The following PKN2 variants were observed in gnomAD, a reference collection of about 807,000 sequenced individuals.
PKN2 encodes serine/threonine-protein kinase N2.
In PKN2, 38 loss-of-function variants were observed where a neutral mutation model predicts 119.1. That is an observed-to-expected ratio of 0.32 (90% CI 0.25 to 0.42). PKN2 has a LOEUF of 0.42. PKN2 is among the 10% of genes least tolerant of loss of function. The pLI is 1.00. For synonymous variants in PKN2, 390 were observed against 384.9 expected (o/e 1.01, Z -0.15); for missense variants, 850 against 1,165.1 (o/e 0.73, Z 3.94).
chr1:88,789,075 A>C lies in PKN2; in HGVS notation c.1281+2862A>C, dbSNP rs190773477. 1.7e-3 allele frequency among the ~76,000 whole-genome samples: 255 copies of C among 152,290 alleles called. 1 individual carries two copies. The highest frequency in any genetic ancestry group is 2.8e-3 in the Non-Finnish European group (192 of 68,016). On this transcript the variant is annotated intron_variant, in intron 8 of 21. Coordinates refer to ENST00000370521, the MANE Select transcript of PKN2 (RefSeq NM_006256.4). ...GCTTAGAACAATTTTAGCAGATTTC[A>C]GTGTTGTTAAGAGCAGAACTATAGA...
intron 6 of PKN2, among the ~76,000 whole-genome samples, chr1:88,773,499 G>C (rs1174973424): frequency 3.9e-5 from 6 of 152,156 alleles, no homozygotes; most frequent in Admixed American, 2.0e-4. Flanking sequence ...GTTTTACCAT[G>C]ATGGCCACAC....
intron 1 of PKN2, among the ~76,000 whole-genome samples, chr1:88,723,152 C>T (rs1036477236): frequency 1.3e-5 from 2 of 151,906 alleles, no homozygotes; most frequent in Admixed American, 6.6e-5. Flanking sequence ...CTGGCTCTGT[C>T]GCCCAGGCTG....
chr1:88,823,391 A>G (rs1557637083), intron 17 of PKN2, among the ~76,000 whole-genome samples: 1 of 152,088 alleles, frequency 6.6e-6, no homozygotes, highest in Non-Finnish European at 1.5e-5. Context: ...TGGATGGTAT[A>G]TAAGCAAACT....
intron 16 of PKN2, among the ~76,000 whole-genome samples, chr1:88,818,432 G>C (rs1438578457): frequency 6.6e-6 from 1 of 152,106 alleles, no homozygotes; most frequent in Non-Finnish European, 1.5e-5. Context: ...TGGGTCATTT[G>C]AGGTCAGGAG....
rs762472428 is a variant in PKN2, at chr1:88,784,785, GGAA to G, written c.1134_1136del (p.Ser380del). The G allele has an allele frequency of 6.2e-7, 1 of 1,610,984 alleles. No individual in the cohort carries two copies. The highest frequency in any genetic ancestry group is 8.5e-7 in the Non-Finnish European group (1 of 1,178,490). The stretch of plus-strand genomic sequence containing the variant: ...GAGCAGAACGAGTAAAAGTAAAAGC[GGAA>G]GTAGTCGAAATCTTCTAAAAACCGA... On this transcript the variant is annotated inframe_deletion, in exon 7 of 22. Coordinates refer to ENST00000370521, the MANE Select transcript of PKN2 (RefSeq NM_006256.4).
At chr1:88,819,649 C>T (rs941917364) in intron 16 of PKN2, among the ~76,000 whole-genome samples, 5 of 152,180 alleles carry the variant, frequency 3.3e-5, no homozygotes, top group African/African-American at 1.2e-4. Context: ...TTTGACCCAG[C>T]CATCCCATTA....
intron 15 of PKN2, among the ~76,000 whole-genome samples, chr1:88,809,949 A>T (rs1671713146): frequency 6.6e-6 from 1 of 152,140 alleles, no homozygotes; most frequent in Non-Finnish European, 1.5e-5. Context: ...ATGAAAATTT[A>T]AAAATCTCAA....
At chr1:88,816,582 A>G (rs1408716592) in intron 16 of PKN2, among the ~76,000 whole-genome samples, 1 of 151,980 alleles carries the variant, frequency 6.6e-6, no homozygotes. Context: ...TTATTTTAAT[A>G]AACTTCAGTA....
chr1:88,696,809 A>G (rs1043591011), intron 1 of PKN2, among the ~76,000 whole-genome samples: 1 of 152,110 alleles, frequency 6.6e-6, no homozygotes, highest in African/African-American at 2.4e-5. Flanking sequence ...TCGATTATAG[A>G]ATAAAATATA....
intron 1 of PKN2, among the ~76,000 whole-genome samples, chr1:88,697,326 A>G (rs1005587089): frequency 6.6e-6 from 1 of 152,144 alleles, no homozygotes; most frequent in Non-Finnish European, 1.5e-5. Context: ...TTTAAAAAAC[A>G]TTATATGACC....
chr1:88,752,225 C>T (rs1669030912), intron 2 of PKN2, among the ~76,000 whole-genome samples: 1 of 152,064 alleles, frequency 6.6e-6, no homozygotes, highest in South Asian at 2.1e-4. Context: ...CTGTATCAAA[C>T]TTACTCTTTA....
intron 2 of PKN2, among the ~76,000 whole-genome samples, chr1:88,751,726 G>A (rs1315539384): frequency 6.6e-6 from 1 of 151,980 alleles, no homozygotes; most frequent in East Asian, 1.9e-4. Context: ...CATTTTCTTT[G>A]TTCACTATTT....
Position 88,824,366 on chromosome 1 carries a change from AT to A in PKN2, c.2403del (p.Phe801LeufsTer29). 5 of 1,595,464 alleles carry A rather than the reference AT, an allele frequency of 3.1e-6. No individual in the cohort carries two copies. Among genetic ancestry groups the A allele is most frequent in the Non-Finnish European group, 4.3e-6 (5 of 1,163,730 alleles). On this transcript the variant is annotated frameshift_variant, in exon 18 of 22. Transcript: ENST00000370521. LOFTEE classifies it high-confidence loss of function. ...ACAGAGGGCTTTGTGAAAATTGCTG[AT>A]TTTGGTCTTTGCAAAGAAGGTAATC... is the stretch of plus-strand genomic sequence containing the variant. ...LDTEGFVKIADFGLCKEGMGY... is the reference protein window; with the variant it reads ...LDTEGFVKIAXFGLCKEGMGY...
At chr1:88,750,423 C>T (rs745537538) in intron 2 of PKN2, among the ~76,000 whole-genome samples, 2 of 152,070 alleles carry the variant, frequency 1.3e-5, no homozygotes, top group Non-Finnish European at 2.9e-5. Context: ...ATACTAAAAG[C>T]ACCAGAAACA....
chr1:88,814,340 A>G (rs1383580759), intron 16 of PKN2, among the ~76,000 whole-genome samples: 1 of 152,164 alleles, frequency 6.6e-6, no homozygotes, highest in Non-Finnish European at 1.5e-5. Flanking sequence ...AATAGTAAAC[A>G]CTTGAAATTA....
At chr1:88,818,372 G>GT (rs200964355) in intron 16 of PKN2, among the ~76,000 whole-genome samples, 131 of 152,304 alleles carry the variant, frequency 8.6e-4, no homozygotes, top group African/African-American at 3.0e-3. Context: ...TTTAGGCTGG[G>GT]TGTGGTGGCT....
At chr1:88,817,957 T>C (rs1672075738) in intron 16 of PKN2, among the ~76,000 whole-genome samples, 1 of 152,134 alleles carries the variant, frequency 6.6e-6, no homozygotes, top group East Asian at 1.9e-4. Context: ...ATGACATGAT[T>C]ATATATTTAG....
chr1:88,711,297 AAG>A (rs1204677873), intron 1 of PKN2, among the ~76,000 whole-genome samples: 1 of 139,648 alleles, frequency 7.2e-6, no homozygotes, highest in African/African-American at 3.1e-5. Context: ...TTAAAATTAA[AAG>A]AGAGAAGTGG....
At position 88,824,310 on chromosome 1, in the gene PKN2, A is replaced by AGATTT. The variant is rs780243341; in HGVS notation, c.2346_2350dup (p.Lys784IlefsTer2). On this transcript the variant is annotated frameshift_variant and splice_region_variant, in exon 18 of 22. Transcript: ENST00000370521. LOFTEE classifies it high-confidence loss of function. ...TGCTGTATCTTTTTATCCTGAACAG[A>AGATTT]GATTTGAAATTGGATAACTTATTGC... The AGATTT allele has an allele frequency of 6.5e-7, 1 of 1,540,926 alleles. No individual in the cohort carries two copies. The highest frequency in any genetic ancestry group is 8.9e-7 in the Non-Finnish European group (1 of 1,117,820).
Sources: gnomAD v4.1 joint callset for allele counts (sites outside exome capture counted in the v4.1 genomes callset) on GRCh38, gnomAD v4.1.1 for gene constraint, MANE v1.5 for transcripts, NCBI Gene and HGNC (gene_info 2026-07-23, HGNC 2026-07-21) for gene names.